The following PTRH2 variants were observed in gnomAD, a reference collection of about 807,000 sequenced individuals.
The protein encoded by PTRH2 is peptidyl-tRNA hydrolase 2, mitochondrial.
In PTRH2, 10 loss-of-function variants were observed where a neutral mutation model predicts 12.3. The ratio of observed to expected loss-of-function variants is 0.81; its 90% CI spans 0.50 to 1.38. The LOEUF (loss-of-function observed/expected upper bound fraction) is 1.38, where lower values mean the gene tolerates loss of function less well. Ranked by LOEUF, PTRH2 falls within the 40% of genes most tolerant of loss-of-function variation. PTRH2 has a pLI of 0.00. For missense variants in PTRH2, 176 were observed against 214.1 expected (o/e 0.82, Z 1.11); for synonymous variants, 73 against 77.4 (o/e 0.94, Z 0.30).
chr17:59,698,240 T>A (rs2033485490), intron 1 of PTRH2: 1 of 487,374 alleles, frequency 2.1e-6, no homozygotes, highest in African/African-American at 1.9e-5. Context: ...GTTCAAAAAC[T>A]CTATTCCTCA....
intron 1 of PTRH2, among the ~76,000 whole-genome samples, chr17:59,707,006 C>A (rs1000801945): frequency 5.9e-5 from 9 of 152,148 alleles, no homozygotes; most frequent in African/African-American, 1.9e-4. Context: ...GAAACCAATT[C>A]TTTCCACGCA....
In PTRH2 at chr17:59,697,964, G is replaced by C. The variant is rs1432252008; in HGVS notation, c.15C>G (p.Ser5=). 1 of 1,611,720 alleles carries C rather than the reference G, an allele frequency of 6.2e-7. No individual in the cohort carries two copies. The highest frequency in any genetic ancestry group is 1.7e-5 in the Admixed American group (1 of 59,996). MPSK[S]LVMEYLAHPS... ...GATGAGCCAAATATTCCATAACCAA[G>C]GATTTGGAGGGCATCTTAAAGGAAA... Residue 5 remains serine (S), a synonymous_variant, in exon 2 of 2, where the codon TCC becomes TCG. Transcript: ENST00000393038.
chr17:59,698,730 T>C (rs1240147767), intron 1 of PTRH2: 2 of 606,484 alleles, frequency 3.3e-6, no homozygotes, highest in African/African-American at 3.7e-5. Flanking sequence ...CTAGCCTACC[T>C]TAAATGTGCT....
At chr17:59,699,074 A>G in intron 1 of PTRH2, 1 of 567,082 alleles carries the variant, frequency 1.8e-6, no homozygotes, top group East Asian at 2.9e-5. Flanking sequence ...TCAGGAAGAT[A>G]CCAAGTTTTG....
chr17:59,699,141 T>C, intron 1 of PTRH2: 1 of 322,354 alleles, frequency 3.1e-6, no homozygotes, highest in Non-Finnish European at 5.0e-6. Flanking sequence ...AGCAAGAGCA[T>C]CCTGTATCTG....
chr17:59,697,759 C>G lies in PTRH2; in HGVS notation c.220G>C (p.Asp74His). ...ACTTTCCCTTTTCCCATCTTTAAGTCATTTCGAACCACAAGAATCATCTTG... is the reference window on the plus strand; with the variant it reads ...ACTTTCCCTTTTCCCATCTTTAAGTGATTTCGAACCACAAGAATCATCTTG... ...EYKMILVVRN[D>H]LKMGKGKVAA... The change falls in exon 2 of 2, where the codon GAC becomes CAC. Residue 74 changes from aspartate to histidine, a missense_variant. By Grantham distance (81) the Asp-to-His change is moderately conservative. Coordinates refer to ENST00000393038, the MANE Select transcript of PTRH2 (RefSeq NM_016077.5). 1 of 1,614,164 alleles carries G rather than the reference C, an allele frequency of 6.2e-7. No individual in the cohort carries two copies. Among genetic ancestry groups the G allele is most frequent in the African/African-American group, 1.3e-5 (1 of 75,038 alleles).
chr17:59,698,398 C>A, intron 1 of PTRH2: 1 of 218,830 alleles, frequency 4.6e-6, no homozygotes, highest in African/African-American at 2.3e-5. Context: ...AAATCAGTTA[C>A]CCTCAGAAGA....
chr17:59,698,070 A>G (rs918832603), intron 1 of PTRH2, 92 bp from the exon 2 acceptor site: 80 of 1,326,586 alleles, frequency 6.0e-5, no homozygotes, highest in Non-Finnish European at 8.0e-5. Flanking sequence ...TATACACTTA[A>G]TGGTCATCCA....
intron 1 of PTRH2, chr17:59,699,109 C>G (rs1457674939): frequency 1.7e-5 from 9 of 536,226 alleles, no homozygotes; most frequent in Non-Finnish European, 3.0e-5. Context: ...TTCTTCTTTT[C>G]ACTATATATT....
chr17:59,698,788 A>T (rs2033499843), intron 1 of PTRH2: 1 of 682,910 alleles, frequency 1.5e-6, no homozygotes, highest in African/African-American at 1.8e-5. Context: ...ATCTAACACG[A>T]GGCTCTTTTA....
At chr17:59,707,125 C>G (rs3744381) in intron 1 of PTRH2, 1 of 152,064 alleles carries the variant, frequency 6.6e-6, no homozygotes, top group African/African-American at 2.4e-5. Context: ...TACTGCCTGC[C>G]TGGAGGCTTT....
At chr17:59,699,087 C>T (rs796951011) in intron 1 of PTRH2, 19 of 551,292 alleles carry the variant, frequency 3.4e-5, no homozygotes, top group Middle Eastern at 2.8e-4. Flanking sequence ...AAGTTTTGAC[C>T]GTACAGCTTG....
At chr17:59,705,237 A>G (rs1213040876) in intron 1 of PTRH2, among the ~76,000 whole-genome samples, 3 of 152,230 alleles carry the variant, frequency 2.0e-5, no homozygotes, top group African/African-American at 7.2e-5. Context: ...CATACACTAC[A>G]TTCCGGTACT....
chr17:59,705,592 T>A (rs867083430), intron 1 of PTRH2, among the ~76,000 whole-genome samples: 12 of 152,086 alleles, frequency 7.9e-5, no homozygotes, highest in African/African-American at 2.7e-4. Flanking sequence ...CCTGATTTTT[T>A]AAAAATTTTT....
At position 59,697,561 on chromosome 17, in the gene PTRH2, C is replaced by G. The variant is rs776151941; in HGVS notation, c.418G>C (p.Val140Leu). The G allele has an allele frequency of 3.7e-6, 6 of 1,614,228 alleles. No individual in the cohort carries two copies. In the East Asian group the frequency reaches 1.1e-4, roughly 30 times the overall value. Residue 140 changes from valine to leucine, a missense_variant, in exon 2 of 2, where the codon GTA becomes CTA. Coordinates refer to ENST00000393038, the MANE Select transcript of PTRH2 (RefSeq NM_016077.5). Reference sequence around the variant, plus strand: ...CGTCCAGCATCTTGAATTAAACTTACAGTCAGTCCCAGCATTTTTGCATGG... The same window carrying G: ...CGTCCAGCATCTTGAATTAAACTTAGAGTCAGTCCCAGCATTTTTGCATGG... Reference protein sequence around the residue: ...LAHAKMLGLTVSLIQDAGRTQ... With the variant: ...LAHAKMLGLTLSLIQDAGRTQ...
At chr17:59,702,961 G>C (rs1021476551) in intron 1 of PTRH2, among the ~76,000 whole-genome samples, 1 of 152,132 alleles carries the variant, frequency 6.6e-6, no homozygotes, top group Non-Finnish European at 1.5e-5. Context: ...TTTAAGGTAG[G>C]CTAGGCTAAA....
chr17:59,698,174 T>C (rs1380246768), intron 1 of PTRH2, 196 bp from the exon 2 acceptor site: 2 of 595,426 alleles, frequency 3.4e-6, no homozygotes, highest in Non-Finnish European at 2.9e-6. Flanking sequence ...GATTCAAGCA[T>C]CCACATGAAA....
intron 1 of PTRH2, among the ~76,000 whole-genome samples, chr17:59,705,573 C>G (rs1407925027): frequency 6.6e-6 from 1 of 152,072 alleles, no homozygotes; most frequent in South Asian, 2.1e-4. Flanking sequence ...GTGCATGCCA[C>G]CACACCCTCC....
chr17:59,697,595 T>C lies in PTRH2; in HGVS notation c.384A>G (p.Ala128=). 6.2e-7 allele frequency: 1 copy of C among 1,614,180 alleles called. No homozygotes were observed. The highest frequency in any genetic ancestry group is 8.5e-7 in the Non-Finnish European group (1 of 1,180,028). ...VKAPDEETLI[A]LLAHAKMLGL... Reference sequence around the variant, plus strand: ...CCAGCATTTTTGCATGGGCCAATAATGCAATCAGGGTTTCTTCATCAGGAG... The same window carrying C: ...CCAGCATTTTTGCATGGGCCAATAACGCAATCAGGGTTTCTTCATCAGGAG... Residue 128 remains alanine, a synonymous_variant, in exon 2 of 2, where the codon GCA becomes GCG. Transcript: ENST00000393038.
Sources: gnomAD v4.1 joint callset for allele counts (sites outside exome capture counted in the v4.1 genomes callset) on GRCh38, gnomAD v4.1.1 for gene constraint, MANE v1.5 for transcripts, NCBI Gene and HGNC (gene_info 2026-07-23, HGNC 2026-07-21) for gene names.